FREM2: variants seen among roughly 807,000 people sequenced by gnomAD.
The protein encoded by FREM2 is FRAS1-related extracellular matrix protein 2.
In FREM2, 119 loss-of-function variants were observed where a neutral mutation model predicts 219.9. The observed-to-expected ratio is 0.54, with a 90% CI of 0.47 to 0.63. FREM2 has a LOEUF of 0.63. Among genes scored for constraint, FREM2 ranks in the 30% least tolerant of loss-of-function variants. The probability of loss-of-function intolerance (pLI) is 0.00; values close to 1 mark genes in which losing one functional copy is unlikely to be tolerated. For synonymous variants in FREM2, 1,562 were observed against 1,522.8 expected (o/e 1.03, Z -0.60); for missense variants, 4,030 against 3,993.6 (o/e 1.01, Z -0.25).
intron 6 of FREM2, among the ~76,000 whole-genome samples, chr13:38,805,639 A>C (rs1445436942): frequency 6.6e-6 from 1 of 151,908 alleles, no homozygotes; most frequent in African/African-American, 2.4e-5. Flanking sequence ...GAGGGTGAAG[A>C]AAGTCAATTA....
In FREM2 at chr13:38,878,980, A is replaced by G; in HGVS notation, c.9006+3A>G. 6.2e-7 allele frequency: 1 copy of G among 1,614,170 alleles called. No homozygotes were observed. The highest frequency in any genetic ancestry group is 2.2e-5 in the East Asian group (1 of 44,874). On this transcript the variant is annotated splice_donor_region_variant and intron_variant, in intron 23 of 23. Coordinates refer to ENST00000280481, the MANE Select transcript of FREM2 (RefSeq NM_207361.6). ...TCGACTCAACACCACTCTTTCAGGTAGGCCAAAAACAAGCTCATTTGTAGT... is the reference window on the plus strand; with the variant it reads ...TCGACTCAACACCACTCTTTCAGGTGGGCCAAAAACAAGCTCATTTGTAGT...
chr13:38,738,308 G>T (rs1332948119), intron 2 of FREM2, among the ~76,000 whole-genome samples: 1 of 152,092 alleles, frequency 6.6e-6, no homozygotes, highest in Non-Finnish European at 1.5e-5. Context: ...GCTCACACCT[G>T]TAATCTCAGT....
At chr13:38,732,186 A>G (rs866076376) in intron 2 of FREM2, among the ~76,000 whole-genome samples, 58 of 152,300 alleles carry the variant, frequency 3.8e-4, no homozygotes, top group African/African-American at 1.4e-3. Flanking sequence ...GTCTGACAAA[A>G]TGTCATATCT....
At chr13:38,811,201 C>T (rs751039038) in intron 6 of FREM2, among the ~76,000 whole-genome samples, 38 of 151,794 alleles carry the variant, frequency 2.5e-4, no homozygotes, top group Non-Finnish European at 5.0e-4. Context: ...TGGATCTTCT[C>T]TCTTTTTTTC....
intron 6 of FREM2, among the ~76,000 whole-genome samples, chr13:38,840,931 T>C (rs982330396): frequency 1.3e-5 from 2 of 152,156 alleles, no homozygotes; most frequent in African/African-American, 4.8e-5. Context: ...TCCTCATATA[T>C]TGAATTGCTA....
At chr13:38,740,664 A>T (rs1011857395) in intron 2 of FREM2, among the ~76,000 whole-genome samples, 3 of 152,234 alleles carry the variant, frequency 2.0e-5, no homozygotes, top group Non-Finnish European at 4.4e-5. Context: ...CTACAGTGCT[A>T]TTGGCCCTGT....
intron 6 of FREM2, among the ~76,000 whole-genome samples, chr13:38,843,901 T>C (rs1232447040): frequency 2.0e-5 from 3 of 151,432 alleles, no homozygotes; most frequent in East Asian, 3.9e-4. Flanking sequence ...TTTTTTTTTT[T>C]CTTATGGAAA....
intron 6 of FREM2, among the ~76,000 whole-genome samples, chr13:38,837,177 C>T (rs1272728384): frequency 6.6e-6 from 1 of 152,064 alleles, no homozygotes. Context: ...CTTACTTCTT[C>T]CTGCCTTAAT....
In FREM2 at chr13:38,688,668, A is replaced by C; in HGVS notation, c.1324A>C (p.Thr442Pro). Reference protein sequence around the residue: ...KPMNTMAPVVTRNTGLILYEG... With the variant: ...KPMNTMAPVVPRNTGLILYEG... ...CATGAACACAATGGCTCCGGTGGTCACCCGGAATACCGGTCTTATTCTCTA... is the reference window on the plus strand; with the variant it reads ...CATGAACACAATGGCTCCGGTGGTCCCCCGGAATACCGGTCTTATTCTCTA... Residue 442 changes from threonine (T) to proline (P), a missense_variant, in exon 1 of 24, where the codon ACC becomes CCC. This residue lies in a region of FREM2 where 3,102 missense variants were observed against 2,950.7 expected (regional missense o/e 1.05). Coordinates refer to ENST00000280481, the MANE Select transcript of FREM2 (RefSeq NM_207361.6). The C allele has an allele frequency of 6.2e-7, 1 of 1,613,978 alleles. No homozygotes were observed. Among genetic ancestry groups the C allele is most frequent in the Non-Finnish European group, 8.5e-7 (1 of 1,179,972 alleles).
chr13:38,827,454 T>C (rs1048926655), intron 6 of FREM2: 1 of 152,098 alleles, frequency 6.6e-6, no homozygotes, highest in African/African-American at 2.4e-5. Flanking sequence ...GAATAGAAAC[T>C]TGGGAGGCAG....
intron 13 of FREM2, among the ~76,000 whole-genome samples, chr13:38,858,269 A>G (rs538363031): frequency 6.6e-6 from 1 of 152,364 alleles, no homozygotes; most frequent in African/African-American, 2.4e-5. Flanking sequence ...GTCTGTCACC[A>G]ATAGAAAAAT....
At chr13:38,756,342 C>T (rs1872997113) in intron 2 of FREM2, among the ~76,000 whole-genome samples, 1 of 152,100 alleles carries the variant, frequency 6.6e-6, no homozygotes, top group African/African-American at 2.4e-5. Context: ...CAATTATAAC[C>T]TTGTTTTATG....
chr13:38,838,847 T>A (rs558107086), intron 6 of FREM2, among the ~76,000 whole-genome samples: 1 of 152,310 alleles, frequency 6.6e-6, no homozygotes, highest in South Asian at 2.1e-4. Context: ...TTATTCTAGT[T>A]AGCAATTCCT....
intron 2 of FREM2, among the ~76,000 whole-genome samples, chr13:38,719,856 C>G (rs929545189): frequency 1.3e-5 from 2 of 152,130 alleles, no homozygotes; most frequent in South Asian, 4.1e-4. Context: ...GACAGGTTCT[C>G]CTATGCAAAA....
rs765907849 is a variant in FREM2 at position 38,872,897 on chromosome 13, T to C, written c.8139T>C (p.Asn2713=). Residue 2713 remains asparagine, a synonymous_variant, in exon 17 of 24, where the codon AAT becomes AAC. Transcript: ENST00000280481. ...TGTACGACACCGCCATCTTGTGGAA[T>C]GATGGAATTGGCAGCCCCCCAGAGG... The part of the protein sequence containing the change: ...TFVYDTAILW[N]DGIGSPPEAE... 2.5e-6 allele frequency: 4 copies of C among 1,614,020 alleles called. No homozygotes were observed. In the East Asian group the frequency reaches 8.9e-5, roughly 36 times the overall value.
chr13:38,886,496 C>G lies in FREM2; in HGVS notation c.*5709C>G, dbSNP rs1878736462. The G allele has an allele frequency of 1.3e-5, 2 of 152,060 alleles. No homozygotes were observed. The highest frequency in any genetic ancestry group is 4.8e-5 in the African/African-American group (2 of 41,382). The allele number at this position is 152,060 out of a possible 1,614,324, so 9.4% of individuals were successfully genotyped here. A position where few individuals can be genotyped will look rare whatever the true frequency, so the allele number is the denominator to read the frequency against. ...CACCGCAACCTCCGCCTCCAGGGTT[C>G]AAGTGATTCTCCTGCCTCAACCTCC... On this transcript the variant is annotated 3_prime_UTR_variant, in exon 24 of 24. Coordinates refer to ENST00000280481, the MANE Select transcript of FREM2 (RefSeq NM_207361.6).
Position 38,706,991 on chromosome 13 carries a change from T to C in FREM2, c.5263+9204T>C, listed in dbSNP as rs142786405. On this transcript the variant is annotated intron_variant, in intron 2 of 23. Transcript: ENST00000280481. ...ACAAATGTGGATTGATTTCATAATG[T>C]ACATTTTCTAAGAGCAAAAATATTT... Among the ~76,000 whole-genome samples, 556 of 152,360 alleles carry C rather than the reference T, an allele frequency of 3.6e-3. 1 individual carries two copies. The highest frequency in any genetic ancestry group is 0.01 in the Middle Eastern group (3 of 294).
At position 38,764,429 on chromosome 13, in the gene FREM2, T is replaced by G. The variant is rs781586208; in HGVS notation, c.5389T>G (p.Leu1797Val). 1 of 1,572,772 alleles carries G rather than the reference T, an allele frequency of 6.4e-7. No individual in the cohort carries two copies. Among genetic ancestry groups the G allele is most frequent in the South Asian group, 1.2e-5 (1 of 85,918 alleles). Residue 1797 changes from leucine to valine, a missense_variant, in exon 3 of 24, where the codon TTG becomes GTG. This residue lies in a region of FREM2 where 3,102 missense variants were observed against 2,950.7 expected (regional missense o/e 1.05). Transcript: ENST00000280481. ...LDVVLKRRGY[L>V]GETSFISIGT... is the part of the protein sequence containing the mutation. The stretch of plus-strand genomic sequence containing the variant: ...TGTTGTTCTTAAACGTAGAGGTTAC[T>G]TGGGAGAAACTTCTTTTATAAGTAA...
chr13:38,723,286 G>A (rs1037707674), intron 2 of FREM2, among the ~76,000 whole-genome samples: 3 of 151,860 alleles, frequency 2.0e-5, no homozygotes, highest in Non-Finnish European at 4.4e-5. Context: ...GGAGATGTCC[G>A]TGGGAATGTG....
Sources: allele counts gnomAD v4.1 joint callset (sites outside exome capture counted in the v4.1 genomes callset), GRCh38; gene constraint gnomAD v4.1.1; regional missense constraint gnomAD v4.1.1; transcripts MANE v1.5; gene names NCBI Gene and HGNC (gene_info 2026-07-23, HGNC 2026-07-21).